ARG2: variants seen among roughly 807,000 people sequenced by gnomAD.
ARG2 encodes the protein arginase-2, mitochondrial.
In ARG2, 21 loss-of-function variants were observed where a neutral mutation model predicts 39.4. The observed-to-expected ratio is 0.53, with a 90% confidence interval of 0.38 to 0.77. The LOEUF (loss-of-function observed/expected upper bound fraction) is 0.77, where lower values mean the gene tolerates loss of function less well. ARG2 is among the 30% of genes least tolerant of loss of function. ARG2 has a pLI of 0.00. For missense variants in ARG2, 378 were observed against 426.2 expected, an observed-to-expected ratio of 0.89 and a Z score of 1.00; for synonymous variants, 150 against 156.7, an observed-to-expected ratio of 0.96 and a Z score of 0.32.
chr14:67,635,471 C>G (rs1594825483), intron 2 of ARG2, among the ~76,000 whole-genome samples: 1 of 152,326 alleles, frequency 6.6e-6, no homozygotes, highest in East Asian at 1.9e-4. Context: ...CCAGTTTAGA[C>G]TTCTAGTAAC....
At chr14:67,644,465 C>T (rs1487634621) in intron 3 of ARG2, among the ~76,000 whole-genome samples, 1 of 152,124 alleles carries the variant, frequency 6.6e-6, no homozygotes, top group Non-Finnish European at 1.5e-5. Flanking sequence ...CTCAAAAGAC[C>T]CAACCAGTGT....
intron 2 of ARG2, among the ~76,000 whole-genome samples, chr14:67,635,223 G>A (rs2036959568): frequency 6.6e-6 from 1 of 152,138 alleles, no homozygotes; most frequent in Admixed American, 6.5e-5. Context: ...CAGCCTGAGT[G>A]ACAGAGTAAG....
intron 2 of ARG2, among the ~76,000 whole-genome samples, chr14:67,635,057 T>A (rs2036957593): frequency 6.6e-6 from 1 of 151,870 alleles, no homozygotes; most frequent in East Asian, 1.9e-4. Flanking sequence ...CCAGCCTCGG[T>A]AAAATGGCGA....
intron 3 of ARG2, among the ~76,000 whole-genome samples, chr14:67,644,647 G>C (rs571709667): frequency 2.0e-5 from 3 of 152,142 alleles, no homozygotes; most frequent in Non-Finnish European, 4.4e-5. Flanking sequence ...AGAACAGTTG[G>C]CTAATGTAAG....
intron 7 of ARG2, 43 bp downstream of exon 7, chr14:67,648,226 AAT>A: frequency 6.3e-7 from 1 of 1,582,932 alleles, no homozygotes. Flanking sequence ...TACATAGGTA[AAT>A]ATGCTAGAGT....
chr14:67,630,231 C>T (rs1566797296), intron 2 of ARG2, among the ~76,000 whole-genome samples: 1 of 152,204 alleles, frequency 6.6e-6, no homozygotes, highest in Non-Finnish European at 1.5e-5. Flanking sequence ...TCATAGATAA[C>T]AGTGCCCATG....
chr14:67,620,017 C>T lies in ARG2; in HGVS notation c.40C>T (p.Arg14Ter). The change falls in exon 1 of 8, where the codon CGA (arginine) becomes TGA (stop). Residue 14 changes from arginine (R) to a stop codon, truncating the protein, a stop_gained. Transcript: ENST00000261783. LOFTEE classifies it high-confidence loss of function. The part of the protein sequence containing the change: ...RGSLSRLLQT[R>*]VHSILKKSVH... ...CAGCCTCTCGCGTCTCCTCCAGACG[C>T]GAGTGCATTCCATCCTGAAGAAATC... is the stretch of plus-strand genomic sequence containing the variant. 1 of 1,611,220 alleles carries T rather than the reference C, an allele frequency of 6.2e-7. No individual in the cohort carries two copies. Among genetic ancestry groups the T allele is most frequent in the Non-Finnish European group, 8.5e-7 (1 of 1,178,832 alleles).
At chr14:67,631,024 C>T (rs1466323358) in intron 2 of ARG2, among the ~76,000 whole-genome samples, 6 of 152,202 alleles carry the variant, frequency 3.9e-5, no homozygotes, top group Non-Finnish European at 8.8e-5. Flanking sequence ...ACCCCCTCCC[C>T]TCTGACAGTC....
rs1352398683 is a variant in ARG2 at position 67,646,738 on chromosome 14, A to G, written c.617A>G (p.His206Arg). 9 of 1,608,130 alleles carry G rather than the reference A, an allele frequency of 5.6e-6. No individual in the cohort carries two copies. In the Admixed American group the frequency reaches 1.2e-4, roughly 21 times the overall value. Residue 206 changes from histidine to arginine, a missense_variant and splice_region_variant, in exon 5 of 8, where the codon CAT becomes CGT. Physicochemically the swap from His to Arg is conservative, Grantham distance 29. Transcript: ENST00000261783. The stretch of plus-strand genomic sequence containing the variant: ...CTGAGAGACGTGGACCCTCCTGAAC[A>G]GTAAGTTGATGCATTTGGCTGAAGT... Reference protein sequence around the residue: ...IGLRDVDPPEHFILKNYDIQY... With the variant: ...IGLRDVDPPERFILKNYDIQY...
rs745701455 is a variant in ARG2, at chr14:67,651,327, T to TAACA, written c.*408_*411dup. ...AATATGCTTATTCTATCCACATCCC[T>TAACA]AACATCATGCATTCACAAGGTCAAA... On this transcript the variant is annotated 3_prime_UTR_variant, in exon 8 of 8. Transcript: ENST00000261783. The TAACA allele has an allele frequency of 3.1e-6, 5 of 1,610,856 alleles. No homozygotes were observed. In the African/African-American group the frequency reaches 4.0e-5, roughly 13 times the overall value.
chr14:67,621,397 T>C (rs1354609803), intron 2 of ARG2, among the ~76,000 whole-genome samples: 1 of 152,200 alleles, frequency 6.6e-6, no homozygotes, highest in Non-Finnish European at 1.5e-5. Context: ...ATATAGGTCT[T>C]ATAGGCTCAC....
At chr14:67,630,754 A>G (rs2036910558) in intron 2 of ARG2, among the ~76,000 whole-genome samples, 1 of 151,810 alleles carries the variant, frequency 6.6e-6, no homozygotes, top group Non-Finnish European at 1.5e-5. Context: ...AATTTTTTGT[A>G]TTTTTAGTAG....
intron 2 of ARG2, among the ~76,000 whole-genome samples, chr14:67,623,921 A>G (rs1745880703): frequency 6.6e-6 from 1 of 151,982 alleles, no homozygotes; most frequent in Non-Finnish European, 1.5e-5. Context: ...GCCTACTGCA[A>G]TCTCAACCTC....
At chr14:67,648,545 G>C (rs939601152) in intron 7 of ARG2, 2 of 163,286 alleles carry the variant, frequency 1.2e-5, no homozygotes, top group Non-Finnish European at 2.6e-5. Flanking sequence ...CACTCTAAGA[G>C]ATTGGTTCAT....
chr14:67,639,878 T>C (rs7147925), intron 2 of ARG2, among the ~76,000 whole-genome samples: 18,723 of 147,102 alleles, frequency 0.13, 1,440 homozygotes, highest in South Asian at 0.33. Flanking sequence ...TGAGCCGAGA[T>C]TGTGCCACTG....
At chr14:67,638,386 A>C (rs2036995062) in intron 2 of ARG2, among the ~76,000 whole-genome samples, 1 of 152,106 alleles carries the variant, frequency 6.6e-6, no homozygotes, top group African/African-American at 2.4e-5. Flanking sequence ...AAAAGAAAAA[A>C]AATGATTAAA....
intron 7 of ARG2, chr14:67,649,300 T>C (rs771175047): frequency 2.6e-5 from 4 of 152,122 alleles, no homozygotes; most frequent in Admixed American, 2.6e-4. Flanking sequence ...GGCAAGAGGA[T>C]TACTTGACCC....
At chr14:67,630,787 C>T (rs1278107194) in intron 2 of ARG2, among the ~76,000 whole-genome samples, 1 of 152,108 alleles carries the variant, frequency 6.6e-6, no homozygotes, top group East Asian at 1.9e-4. Context: ...ACCATCTTGG[C>T]CAGGCTGGTC....
At chr14:67,647,296 C>T (rs527930454) in intron 6 of ARG2, 1 of 331,270 alleles carries the variant, frequency 3.0e-6, no homozygotes, top group East Asian at 5.6e-5. Context: ...AGATGACAAG[C>T]ATTTATTGTT....
Sources: allele counts gnomAD v4.1 joint callset (sites outside exome capture counted in the v4.1 genomes callset), GRCh38; gene constraint gnomAD v4.1.1; transcripts MANE v1.5; gene names NCBI Gene and HGNC (gene_info 2026-07-23, HGNC 2026-07-21).